DPPA2: variants seen among roughly 807,000 people sequenced by gnomAD.
The protein encoded by DPPA2 is developmental pluripotency-associated protein 2.
DPPA2 carries 26 observed loss-of-function variants against 36.2 expected under a neutral mutation model. The observed-to-expected ratio is 0.72, with a 90% CI of 0.53 to 1.00. The LOEUF (loss-of-function observed/expected upper bound fraction) is 1.00, where lower values mean the gene tolerates loss of function less well. DPPA2 is among the 50% of genes least tolerant of loss of function. DPPA2 has a pLI of 0.00. For missense variants in DPPA2, 361 were observed against 365.1 expected (o/e 0.99, Z 0.09); for synonymous variants, 113 against 123.2 (o/e 0.92, Z 0.55).
chr3:109,294,714 A>G (rs1179217502), intron 8 of DPPA2, among the ~76,000 whole-genome samples: 1 of 152,222 alleles, frequency 6.6e-6, no homozygotes, highest in African/African-American at 2.4e-5. Flanking sequence ...GCCTTCATTC[A>G]GAAGGTTCTG....
In DPPA2 at chr3:109,308,048, A is replaced by G; in HGVS notation, c.642T>C (p.Phe214=). Residue 214 remains phenylalanine, a synonymous_variant, in exon 6 of 9, where the codon TTT becomes TTC. Coordinates refer to ENST00000478945, the MANE Select transcript of DPPA2 (RefSeq NM_138815.4). ...SCSIPVSVEA[F]LMQASGVRWC... is the part of the protein sequence containing the mutation. Reference sequence around the variant, plus strand: ...TGATCTTACCAGAGGCTTGCATCAAAAAGGCCTCAACAGAAACAGGAATGG... The same window carrying G: ...TGATCTTACCAGAGGCTTGCATCAAGAAGGCCTCAACAGAAACAGGAATGG... 1 of 1,614,112 alleles carries G rather than the reference A, an allele frequency of 6.2e-7. No homozygotes were observed. The highest frequency in any genetic ancestry group is 8.5e-7 in the Non-Finnish European group (1 of 1,179,936).
chr3:109,300,005 A>T (rs1272864691), intron 8 of DPPA2, among the ~76,000 whole-genome samples: 1 of 152,226 alleles, frequency 6.6e-6, no homozygotes, highest in Non-Finnish European at 1.5e-5. Context: ...CACCGTGTAC[A>T]TGGGAATACA....
chr3:109,311,600 C>A lies in DPPA2; in HGVS notation c.181+945G>T, dbSNP rs142727551. ...ATTAAAAATACAAACATTAGCTGGG[C>A]GTGGTGGTGGGCGCCTGTAATTACA... On this transcript the variant is annotated intron_variant, in intron 3 of 8. Transcript: ENST00000478945. 9.2e-5 allele frequency among the ~76,000 whole-genome samples: 14 copies of A among 151,800 alleles called. No individual in the cohort carries two copies. The South Asian group carries it at 1.5e-3, about 16-fold the overall frequency.
At chr3:109,304,838 A>G (rs973479557) in intron 6 of DPPA2, among the ~76,000 whole-genome samples, 168 bp from the exon 7 acceptor site, 2 of 152,180 alleles carry the variant, frequency 1.3e-5, no homozygotes, top group Non-Finnish European at 2.9e-5. Flanking sequence ...CACAAGTTAC[A>G]TAACACAAAG....
At chr3:109,307,603 C>CA (rs769445059) in intron 6 of DPPA2, among the ~76,000 whole-genome samples, 3,712 of 42,964 alleles carry the variant, frequency 0.086, 114 homozygotes, top group East Asian at 0.11. Flanking sequence ...AACTCCATCT[C>CA]AAAAAAAAAA....
chr3:109,314,939 G>C (rs982993587), intron 1 of DPPA2, among the ~76,000 whole-genome samples: 3 of 152,098 alleles, frequency 2.0e-5, no homozygotes, highest in Non-Finnish European at 4.4e-5. Flanking sequence ...TGTGGCGAGC[G>C]CCTGTAATCC....
chr3:109,307,227 C>T (rs558773522), intron 6 of DPPA2, among the ~76,000 whole-genome samples: 1 of 152,068 alleles, frequency 6.6e-6, no homozygotes, highest in East Asian at 2.0e-4. Flanking sequence ...CCTCGGCCTC[C>T]CAAAGTTATA....
chr3:109,309,412 G>A (rs1707653943), intron 3 of DPPA2, 82 bp from the exon 4 acceptor site: 3 of 1,517,584 alleles, frequency 2.0e-6, no homozygotes, highest in Non-Finnish European at 2.7e-6. Context: ...CTAGGGTCGG[G>A]CACGGTGGCT....
intron 6 of DPPA2, among the ~76,000 whole-genome samples, chr3:109,307,730 A>G (rs2107314199): frequency 6.6e-6 from 1 of 152,200 alleles, no homozygotes; most frequent in African/African-American, 2.4e-5. Flanking sequence ...TCACTATGTC[A>G]TAAATGCCTT....
Position 109,293,877 on chromosome 3 carries a change from A to G in DPPA2, c.*150T>C, listed in dbSNP as rs769935422. 6.7e-6 allele frequency: 1 copy of G among 149,022 alleles called. No individual in the cohort carries two copies. The highest frequency in any genetic ancestry group is 1.5e-5 in the Non-Finnish European group (1 of 67,840). The allele number at this position is 149,022 out of a possible 1,614,324, so 9.2% of individuals were successfully genotyped here. ...GATGGGGCTGTGTCACTAGTCAACC[A>G]TCTTCACTGTGGAGTCCTAGTCACT... On this transcript the variant is annotated 3_prime_UTR_variant, in exon 9 of 9. Coordinates refer to ENST00000478945, the MANE Select transcript of DPPA2 (RefSeq NM_138815.4).
At chr3:109,311,900 TC>T (rs1707716554) in intron 3 of DPPA2, among the ~76,000 whole-genome samples, 3 of 152,324 alleles carry the variant, frequency 2.0e-5, no homozygotes, top group Non-Finnish European at 2.9e-5. Context: ...AATTATTTAA[TC>T]TTCGTAGGAG....
At chr3:109,304,893 T>C (rs1220882277) in intron 6 of DPPA2, among the ~76,000 whole-genome samples, 2 of 152,214 alleles carry the variant, frequency 1.3e-5, no homozygotes, top group East Asian at 1.9e-4. Flanking sequence ...ACGCCTGTAA[T>C]CCCAGCACTT....
At chr3:109,309,425 C>A (rs1001135216) in intron 3 of DPPA2, 95 bp from the exon 4 acceptor site, 1 of 1,389,920 alleles carries the variant, frequency 7.2e-7, no homozygotes, top group African/African-American at 1.4e-5. Flanking sequence ...CGGTGGCTCA[C>A]GCCTGTAATC....
chr3:109,315,491 C>G (rs1272794598), intron 1 of DPPA2, among the ~76,000 whole-genome samples: 2 of 152,138 alleles, frequency 1.3e-5, no homozygotes, highest in Admixed American at 6.5e-5. Context: ...TTAGGAATTG[C>G]TGGAGCCTAA....
intron 3 of DPPA2, among the ~76,000 whole-genome samples, chr3:109,311,298 A>G (rs1433451748): frequency 2.0e-5 from 3 of 152,110 alleles, no homozygotes; most frequent in Non-Finnish European, 4.4e-5. Flanking sequence ...TCTATCCCCA[A>G]TCAACAATGG....
intron 8 of DPPA2, among the ~76,000 whole-genome samples, chr3:109,294,987 C>T (rs1707326187): frequency 6.6e-6 from 1 of 152,092 alleles, no homozygotes; most frequent in Admixed American, 6.6e-5. Flanking sequence ...CACCACTGTA[C>T]TCCAGCCTGG....
At position 109,313,456 on chromosome 3, in the gene DPPA2, A is replaced by G. The variant is rs569941661; in HGVS notation, c.34-764T>C. Reference sequence around the variant, plus strand: ...GTTTTTATGATCTGATGAATAAAAGATAAAGTAGAAAAGCAGGTAGATAGA... The same window carrying G: ...GTTTTTATGATCTGATGAATAAAAGGTAAAGTAGAAAAGCAGGTAGATAGA... On this transcript the variant is annotated intron_variant, in intron 2 of 8. Transcript: ENST00000478945. Among the ~76,000 whole-genome samples the G allele has an allele frequency of 2.6e-5, 4 of 152,342 alleles. No homozygotes were observed. The South Asian group carries it at 8.3e-4, about 32-fold the overall frequency.
chr3:109,308,978 A>C, intron 5 of DPPA2, 48 bp downstream of exon 5: 1 of 1,611,558 alleles, frequency 6.2e-7, no homozygotes, highest in Non-Finnish European at 8.5e-7. Flanking sequence ...GACCGGACGA[A>C]TCATGATCAG....
intron 8 of DPPA2, among the ~76,000 whole-genome samples, chr3:109,298,416 T>TA (rs1559694261): frequency 6.6e-6 from 1 of 151,408 alleles, no homozygotes; most frequent in Admixed American, 6.6e-5. Flanking sequence ...CCCATCTCTA[T>TA]AAAAAAATAA....
Sources: allele counts gnomAD v4.1 joint callset (sites outside exome capture counted in the v4.1 genomes callset), GRCh38; gene constraint gnomAD v4.1.1; transcripts MANE v1.5; gene names NCBI Gene and HGNC (gene_info 2026-07-23, HGNC 2026-07-21).